CACNA2D4: variants seen among roughly 807,000 people sequenced by gnomAD.
CACNA2D4 encodes the protein calcium voltage-gated channel auxiliary subunit alpha2delta 4, also known as voltage-dependent calcium channel subunit alpha-2/delta-4.
A neutral mutation model predicts 163.8 loss-of-function variants in CACNA2D4; 157 were observed. That is an observed-to-expected ratio of 0.96 (90% confidence interval 0.84 to 1.09). The LOEUF (loss-of-function observed/expected upper bound fraction) is 1.09. Among genes scored for constraint, CACNA2D4 ranks in the 50% least tolerant of loss-of-function variants. The pLI, the probability that CACNA2D4 is intolerant of heterozygous loss-of-function variation, is 0.00. For missense variants in CACNA2D4, 1,410 were observed against 1,479.9 expected (o/e 0.95, Z 0.78); for synonymous variants, 598 against 586.9 (o/e 1.02, Z -0.27).
chr12:1,910,028 A>G, intron 3 of CACNA2D4, 63 bp from the exon 4 acceptor site: 1 of 1,391,100 alleles, frequency 7.2e-7, no homozygotes, highest in Non-Finnish European at 1.0e-6. Flanking sequence ...GTTTTCAGCA[A>G]GTGAAACAGT....
In CACNA2D4 at chr12:1,907,346, T is replaced by C. The variant is rs1221235852; in HGVS notation, c.781+94A>G. ...GGATAGGAGGACCAGCCCCATTCAC[T>C]GGGGACCTGAGTGCCAGGGTCCATC... On this transcript the variant is annotated intron_variant, in intron 6 of 37. Transcript: ENST00000382722. 6 of 1,243,798 alleles carry C rather than the reference T, an allele frequency of 4.8e-6. No individual in the cohort carries two copies. In the Admixed American group the frequency reaches 1.2e-4, roughly 25 times the overall value. 77.0% of individuals were successfully genotyped at this position (1,243,798 alleles called of 1,614,324 possible).
At chr12:1,903,596 T>A (rs1362414339) in intron 6 of CACNA2D4, among the ~76,000 whole-genome samples, 1 of 151,786 alleles carries the variant, frequency 6.6e-6, no homozygotes, top group African/African-American at 2.4e-5. Context: ...GAAAGACAAA[T>A]GGCAAACAGG....
intron 26 of CACNA2D4, among the ~76,000 whole-genome samples, chr12:1,823,553 C>T (rs1408847546): frequency 6.6e-6 from 1 of 151,982 alleles, no homozygotes; most frequent in Non-Finnish European, 1.5e-5. Flanking sequence ...GCCTCCTGCT[C>T]CCCCATGGCC....
intron 6 of CACNA2D4, among the ~76,000 whole-genome samples, chr12:1,890,005 C>T (rs554011333): frequency 9.2e-5 from 14 of 152,266 alleles, no homozygotes; most frequent in South Asian, 4.1e-4. Flanking sequence ...AGGAAGGAGA[C>T]GGAAGCAAGT....
intron 26 of CACNA2D4, among the ~76,000 whole-genome samples, chr12:1,823,543 G>A (rs147420877): frequency 3.3e-3 from 501 of 152,146 alleles, no homozygotes; most frequent in Middle Eastern, 0.01. Context: ...TCCTACTGGG[G>A]CCTCCTGCTC....
In CACNA2D4 at chr12:1,828,711, C is replaced by T. The variant is rs955233800; in HGVS notation, c.2551+12028G>A. Among the ~76,000 whole-genome samples, 3 of 152,202 alleles carry T rather than the reference C, an allele frequency of 2.0e-5. No homozygotes were observed. Among genetic ancestry groups the T allele is most frequent in the East Asian group, 1.9e-4 (1 of 5,192 alleles). On this transcript the variant is annotated intron_variant, in intron 26 of 37. Transcript: ENST00000382722. This position sits in a 1 kb window ranked among gnomAD's most constrained non-coding sequence, Gnocchi z 4.2. ...CTTATGCCTCCGCTTTCCCAACTCT[C>T]GGTAGAGGACCTAGTGGGCTCGTGG...
intron 26 of CACNA2D4, among the ~76,000 whole-genome samples, chr12:1,826,131 G>A (rs891306458): frequency 3.9e-5 from 6 of 152,084 alleles, no homozygotes; most frequent in African/African-American, 1.4e-4. Context: ...CAATAGACCT[G>A]CTGCTGACAC....
intron 28 of CACNA2D4, 85 bp downstream of exon 28, chr12:1,810,458 T>C: frequency 6.6e-7 from 1 of 1,521,532 alleles, no homozygotes; most frequent in African/African-American, 1.4e-5. Context: ...GGAGGGCATT[T>C]GGGAGAGGGA....
chr12:1,799,774 G>GGTGGCGATGATGGCACATGGA lies in CACNA2D4; in HGVS notation c.2975-80_2975-79insTCCATGTGCCATCATCGCCAC. The GGTGGCGATGATGGCACATGGA allele has an allele frequency of 6.6e-7, 1 of 1,516,884 alleles. No homozygotes were observed. Among genetic ancestry groups the GGTGGCGATGATGGCACATGGA allele is most frequent in the Non-Finnish European group, 9.0e-7 (1 of 1,115,650 alleles). The allele number at this position is 1,516,884 out of a possible 1,614,324, so 94.0% of individuals were successfully genotyped here. ...GGCACATGAGGGCAGGATGTCATGG[G>GGTGGCGATGATGGCACATGGA]GTGGTGATGATGGCACATGGAGTGG... On this transcript the variant is annotated intron_variant, in intron 33 of 37. Coordinates refer to ENST00000382722, the MANE Select transcript of CACNA2D4 (RefSeq NM_172364.5). The surrounding 1 kb of genome is among the most constrained non-coding windows in gnomAD (Gnocchi z 4.7).
intron 26 of CACNA2D4, among the ~76,000 whole-genome samples, chr12:1,817,266 C>T (rs948497127): frequency 6.6e-6 from 1 of 152,238 alleles, no homozygotes; most frequent in Admixed American, 6.5e-5. Context: ...AGGCCCAGGG[C>T]TGCTGAGTGA....
intron 6 of CACNA2D4, among the ~76,000 whole-genome samples, chr12:1,899,483 G>T (rs1443716237): frequency 2.0e-5 from 3 of 152,066 alleles, no homozygotes; most frequent in African/African-American, 7.2e-5. Context: ...ATACAGCAGA[G>T]ATTTAAAAGA....
intron 26 of CACNA2D4, 193 bp from the exon 27 acceptor site, chr12:1,811,916 C>G (rs534841478): frequency 1.7e-6 from 1 of 588,424 alleles, no homozygotes; most frequent in East Asian, 2.9e-5. Flanking sequence ...AGAACAGAGA[C>G]GGCAGCCTCT....
At chr12:1,838,739 C>T (rs192676209) in intron 26 of CACNA2D4, among the ~76,000 whole-genome samples, 28 of 152,292 alleles carry the variant, frequency 1.8e-4, no homozygotes, top group Non-Finnish European at 2.1e-4. Context: ...GCAGCCTGAC[C>T]CCCTGTCCCA....
intron 29 of CACNA2D4, chr12:1,809,550 T>C (rs1863640091): frequency 1.4e-6 from 1 of 702,874 alleles, no homozygotes; most frequent in Non-Finnish European, 2.6e-6. Context: ...TGGGCTTCTT[T>C]CTCAGTTTGA....
chr12:1,809,684 C>A, intron 29 of CACNA2D4: 1 of 637,814 alleles, frequency 1.6e-6, no homozygotes, highest in East Asian at 2.7e-5. Context: ...TACCCACAGC[C>A]AGCGGGGGCG....
At chr12:1,904,489 T>C in intron 6 of CACNA2D4, among the ~76,000 whole-genome samples, 1 of 152,056 alleles carries the variant, frequency 6.6e-6, no homozygotes, top group East Asian at 1.9e-4. Flanking sequence ...CCCATAAATA[T>C]ATATACACAT....
Position 1,883,239 on chromosome 12 carries a change from C to T in CACNA2D4, c.1352-239G>A, listed in dbSNP as rs1473796504. ...GGAAGATCTCTGAGGGGCTGTCCCACCCAGAGCTCCGGAAGGAGCAGCAGG... is the reference window on the plus strand; with the variant it reads ...GGAAGATCTCTGAGGGGCTGTCCCATCCAGAGCTCCGGAAGGAGCAGCAGG... On this transcript the variant is annotated intron_variant, in intron 12 of 37. Transcript: ENST00000382722. The surrounding 1 kb of genome is among the most constrained non-coding windows in gnomAD (Gnocchi z 4.5). 6.6e-6 allele frequency among the ~76,000 whole-genome samples: 1 copy of T among 152,226 alleles called. No individual in the cohort carries two copies. Among genetic ancestry groups the T allele is most frequent in the Non-Finnish European group, 1.5e-5 (1 of 68,040 alleles).
At position 1,828,258 on chromosome 12, in the gene CACNA2D4, G is replaced by T; in HGVS notation, c.2551+12481C>A. 6.7e-7 allele frequency: 1 copy of T among 1,494,112 alleles called. No homozygotes were observed. The highest frequency in any genetic ancestry group is 9.0e-7 in the Non-Finnish European group (1 of 1,110,120). 92.6% of individuals were successfully genotyped at this position (1,494,112 alleles called of 1,614,324 possible). On this transcript the variant is annotated intron_variant, in intron 26 of 37. Coordinates refer to ENST00000382722, the MANE Select transcript of CACNA2D4 (RefSeq NM_172364.5). This position sits in a 1 kb window ranked among gnomAD's most constrained non-coding sequence, Gnocchi z 4.2. Reference sequence around the variant, plus strand: ...CTCGGAGGGGGGTGCGGGTTGGGTGGGGGTGCCGAGGTGACTGTAGGTAGC... The same window carrying T: ...CTCGGAGGGGGGTGCGGGTTGGGTGTGGGTGCCGAGGTGACTGTAGGTAGC...
intron 6 of CACNA2D4, among the ~76,000 whole-genome samples, chr12:1,890,424 T>C (rs1307329197): frequency 6.6e-6 from 1 of 152,200 alleles, no homozygotes; most frequent in African/African-American, 2.4e-5. Context: ...GCGTGAGCTA[T>C]TGGCAATAAC....
Sources: allele counts gnomAD v4.1 joint callset (sites outside exome capture counted in the v4.1 genomes callset), GRCh38; gene constraint gnomAD v4.1.1; non-coding constraint Gnocchi (gnomAD v3.1); transcripts MANE v1.5; gene names NCBI Gene and HGNC (gene_info 2026-07-23, HGNC 2026-07-21).